IKZF1: variants seen among roughly 807,000 people sequenced by gnomAD.
IKZF1 encodes the protein DNA-binding protein Ikaros.
Under a neutral mutation model 51.7 loss-of-function variants are expected in IKZF1, and 10 were observed. That is an observed-to-expected ratio of 0.19 (90% CI 0.12 to 0.33). The LOEUF (loss-of-function observed/expected upper bound fraction) is 0.33, where lower values mean the gene tolerates loss of function less well. IKZF1 is among the 10% of genes least tolerant of loss of function. IKZF1 has a pLI of 1.00. For missense variants in IKZF1, 484 were observed against 707.5 expected, an observed-to-expected ratio of 0.68 and a Z score of 3.58; for synonymous variants, 280 against 282.3, an observed-to-expected ratio of 0.99 and a Z score of 0.08.
intron 3 of IKZF1, among the ~76,000 whole-genome samples, chr7:50,351,255 A>G (rs1388866369): frequency 6.6e-6 from 1 of 152,138 alleles, no homozygotes; most frequent in Non-Finnish European, 1.5e-5. Context: ...TGTAAATTGG[A>G]TTTTTTAATT....
chr7:50,368,443 G>C (rs764508245), intron 3 of IKZF1: 69 of 611,640 alleles, frequency 1.1e-4, no homozygotes, highest in Non-Finnish European at 1.8e-4. Context: ...ATGGTTTCAA[G>C]ATAATTTTTA....
intron 3 of IKZF1, among the ~76,000 whole-genome samples, chr7:50,355,729 A>G (rs1803168481): frequency 6.6e-6 from 1 of 152,248 alleles, no homozygotes; most frequent in African/African-American, 2.4e-5. Context: ...CTCTAAGAAC[A>G]ATGAGAGTTC....
chr7:50,336,173 G>A (rs934124671), intron 3 of IKZF1, among the ~76,000 whole-genome samples: 1 of 152,158 alleles, frequency 6.6e-6, no homozygotes. Flanking sequence ...CTGGGTCCCC[G>A]GAGAAGACTC....
rs1383061665 is a variant in IKZF1, at chr7:50,402,173, T to G, written c.*1546T>G. On this transcript the variant is annotated 3_prime_UTR_variant, in exon 8 of 8. Transcript: ENST00000331340. ...CTATCAATCATTAAGGTCATTACTC[T>G]CAACCACCTAGGCAATGAAGAATAT... 4.3e-6 allele frequency: 1 copy of G among 230,612 alleles called. No homozygotes were observed. The highest frequency in any genetic ancestry group is 8.6e-6 in the Non-Finnish European group (1 of 116,400). The allele number at this position is 230,612 out of a possible 1,614,324, so 14.3% of individuals were successfully genotyped here.
chr7:50,397,799 A>G (rs1354460891), intron 7 of IKZF1, among the ~76,000 whole-genome samples: 1 of 152,182 alleles, frequency 6.6e-6, no homozygotes, highest in Non-Finnish European at 1.5e-5. Flanking sequence ...GGTCCCTACC[A>G]TCAGCTTCAT....
intron 1 of IKZF1, among the ~76,000 whole-genome samples, chr7:50,316,437 T>G (rs1791549875): frequency 6.6e-6 from 1 of 152,190 alleles, no homozygotes; most frequent in Admixed American, 6.5e-5. Context: ...TGATAGGGCA[T>G]GGAGTGGAAA....
At chr7:50,351,825 T>C (rs1441180502) in intron 3 of IKZF1, among the ~76,000 whole-genome samples, 2 of 152,230 alleles carry the variant, frequency 1.3e-5, no homozygotes, top group Non-Finnish European at 2.9e-5. Flanking sequence ...TTTAACACTT[T>C]TGGATGAGGA....
At chr7:50,350,143 C>T (rs1443841447) in intron 3 of IKZF1, among the ~76,000 whole-genome samples, 1 of 152,232 alleles carries the variant, frequency 6.6e-6, no homozygotes, top group Admixed American at 6.5e-5. Flanking sequence ...CCACCGTCCG[C>T]TGGGAGGCCT....
intron 4 of IKZF1, among the ~76,000 whole-genome samples, chr7:50,379,293 G>A (rs975308582): frequency 1.3e-5 from 2 of 152,344 alleles, no homozygotes; most frequent in South Asian, 2.1e-4. Flanking sequence ...GACTTGCACT[G>A]TGGCCATTGT....
Position 50,400,714 on chromosome 7 carries a change from G to A in IKZF1, c.*87G>A. 2.1e-6 allele frequency: 3 copies of A among 1,414,844 alleles called. No individual in the cohort carries two copies. In the Admixed American group the frequency reaches 6.9e-5, roughly 32 times the overall value. 87.6% of individuals were successfully genotyped at this position (1,414,844 alleles called of 1,614,324 possible). A position where few individuals can be genotyped will look rare whatever the true frequency, so the allele number is the denominator to read the frequency against. On this transcript the variant is annotated 3_prime_UTR_variant, in exon 8 of 8. Transcript: ENST00000331340. The surrounding 1 kb of genome is among the most constrained non-coding windows in gnomAD (Gnocchi z 5.4). ...CCTTCTCGCTCCCGCCAGCAGCATAGACTGGACTGGACCAGACAATGTTGT... is the reference window on the plus strand; with the variant it reads ...CCTTCTCGCTCCCGCCAGCAGCATAAACTGGACTGGACCAGACAATGTTGT...
chr7:50,310,061 T>A (rs538452574), intron 1 of IKZF1, among the ~76,000 whole-genome samples: 1 of 152,314 alleles, frequency 6.6e-6, no homozygotes, highest in African/African-American at 2.4e-5. Flanking sequence ...CAAAAACATA[T>A]TGATAAATCG....
chr7:50,371,957 A>C (rs1011758880), intron 3 of IKZF1, among the ~76,000 whole-genome samples: 1 of 152,198 alleles, frequency 6.6e-6, no homozygotes, highest in African/African-American at 2.4e-5. Context: ...TCACACTTAC[A>C]TGGGAAGCCA....
chr7:50,328,047 C>A (rs527694167), intron 3 of IKZF1: 1 of 325,084 alleles, frequency 3.1e-6, no homozygotes, highest in East Asian at 5.5e-5. Flanking sequence ...CCTCACTGCA[C>A]TTGCAGGAAT....
intron 1 of IKZF1, among the ~76,000 whole-genome samples, chr7:50,310,273 A>G (rs1240986122): frequency 2.0e-5 from 3 of 152,238 alleles, no homozygotes; most frequent in Non-Finnish European, 4.4e-5. Context: ...ATGTTTTGTT[A>G]AAGAAATGAA....
chr7:50,322,346 T>C (rs555722132), intron 2 of IKZF1, among the ~76,000 whole-genome samples: 1 of 152,350 alleles, frequency 6.6e-6, no homozygotes. Flanking sequence ...TTCATAGGAT[T>C]CAACCTAATG....
intron 3 of IKZF1, among the ~76,000 whole-genome samples, chr7:50,333,282 T>C (rs1322337482): frequency 7.2e-6 from 1 of 139,782 alleles, no homozygotes; most frequent in Admixed American, 7.9e-5. Context: ...TGGTGCCAAA[T>C]CTCCCCTTCA....
At chr7:50,340,108 G>T (rs1798726282) in intron 3 of IKZF1, among the ~76,000 whole-genome samples, 2 of 152,180 alleles carry the variant, frequency 1.3e-5, no homozygotes, top group African/African-American at 2.4e-5. Context: ...CGCAGTAAGG[G>T]CTTAGCAATA....
At chr7:50,335,186 G>A (rs1797365673) in intron 3 of IKZF1, among the ~76,000 whole-genome samples, 1 of 150,360 alleles carries the variant, frequency 6.7e-6, no homozygotes. Flanking sequence ...TGGGATGTGT[G>A]GTGTGTGGTG....
intron 3 of IKZF1, among the ~76,000 whole-genome samples, chr7:50,363,006 G>A (rs961365938): frequency 1.8e-4 from 28 of 152,174 alleles, no homozygotes; most frequent in African/African-American, 6.3e-4. Context: ...AATAAGAATG[G>A]AGACCTCTCC....
Sources: allele counts gnomAD v4.1 joint callset (sites outside exome capture counted in the v4.1 genomes callset), GRCh38; gene constraint gnomAD v4.1.1; non-coding constraint Gnocchi (gnomAD v3.1); transcripts MANE v1.5; gene names NCBI Gene and HGNC (gene_info 2026-07-23, HGNC 2026-07-21).